Variants in PCDHAC1 observed in about 807,000 individuals in gnomAD.
The protein encoded by PCDHAC1 is protocadherin alpha subfamily C, 1, also known as protocadherin alpha-C1.
PCDHAC1 carries 42 observed loss-of-function variants against 60.0 expected under a neutral mutation model. That is an observed-to-expected ratio of 0.70 (90% confidence interval 0.55 to 0.90). The LOEUF (loss-of-function observed/expected upper bound fraction) is 0.90, where lower values mean the gene tolerates loss of function less well. PCDHAC1 is among the 40% of genes least tolerant of loss of function. PCDHAC1 has a pLI of 0.00. For missense variants in PCDHAC1, 1,160 were observed against 1,222.3 expected, an observed-to-expected ratio of 0.95 and a Z score of 0.76; for synonymous variants, 468 against 499.3, an observed-to-expected ratio of 0.94 and a Z score of 0.84.
intron 1 of PCDHAC1, among the ~76,000 whole-genome samples, chr5:140,977,937 T>C (rs1264352481): frequency 5.3e-5 from 8 of 152,162 alleles, no homozygotes; most frequent in African/African-American, 1.9e-4. Flanking sequence ...TATACCTCAA[T>C]ATTCAGTGAC....
chr5:140,967,959 G>A lies in PCDHAC1; in HGVS notation c.2434-10990G>A, dbSNP rs782716187. ...AATGACCAAGACTCAGGCCCCAACC[G>A]GAAAGTGAGCCTGGGTCTGGAGGCC... On this transcript the variant is annotated intron_variant, in intron 1 of 3. Transcript: ENST00000253807. The A allele has an allele frequency of 1.5e-5, 25 of 1,614,046 alleles. No individual in the cohort carries two copies. Among genetic ancestry groups the A allele is most frequent in the Non-Finnish European group, 1.9e-5 (23 of 1,180,058 alleles).
At position 140,951,544 on chromosome 5, in the gene PCDHAC1, G is replaced by A. The variant is rs543008494; in HGVS notation, c.2433+22219G>A. On this transcript the variant is annotated intron_variant, in intron 1 of 3. Transcript: ENST00000253807. ...CATGGCCGGTGCAGGAGCAAGGGAC[G>A]GGGGGAAGTGCTACGCACTTTTAAA... Among the ~76,000 whole-genome samples the A allele has an allele frequency of 1.4e-3, 220 of 151,994 alleles. 1 individual carries two copies. The highest frequency in any genetic ancestry group is 4.9e-3 in the African/African-American group (204 of 41,462).
chr5:141,000,417 ATATATTTTTT>A (rs2097924181), intron 3 of PCDHAC1, among the ~76,000 whole-genome samples: 1 of 77,748 alleles, frequency 1.3e-5, no homozygotes, highest in Non-Finnish European at 2.3e-5. Context: ...ATATATATAT[ATATATTTTTT>A]TTTTTTTTTT....
In PCDHAC1 at chr5:140,928,252, G is replaced by C. The variant is rs1377533547; in HGVS notation, c.1360G>C (p.Val454Leu). The C allele has an allele frequency of 2.5e-6, 4 of 1,614,208 alleles. No individual in the cohort carries two copies. Among genetic ancestry groups the C allele is most frequent in the Non-Finnish European group, 3.4e-6 (4 of 1,180,044 alleles). The change falls in exon 1 of 4, where the codon GTT becomes CTT. Residue 454 changes from valine (V) to leucine (L), a missense_variant. Val to Leu is a conservative substitution (Grantham distance 32). This residue lies in a region of PCDHAC1 where 1,113 missense variants were observed against 1,163.7 expected (regional missense o/e 0.96). Transcript: ENST00000253807. ...TCCTCAACCCCAGCAGGAACTTTTC[G>C]TTGCTGAAAACAATGGCCCTGGGGC... Reference protein sequence around the residue: ...NFPQPQQELFVAENNGPGASL... With the variant: ...NFPQPQQELFLAENNGPGASL...
Position 140,973,027 on chromosome 5 carries a change from T to C in PCDHAC1, c.2434-5922T>C, listed in dbSNP as rs373487044. On this transcript the variant is annotated intron_variant, in intron 1 of 3. Coordinates refer to ENST00000253807, the MANE Select transcript of PCDHAC1 (RefSeq NM_018898.5). ...TCGTGGTGTTGTGATTGTTAATGAG[T>C]CACTTTGAGTACTCTAGTAGATTTG... Among the ~76,000 whole-genome samples the C allele has an allele frequency of 2.6e-5, 4 of 152,042 alleles. No individual in the cohort carries two copies. The East Asian group carries it at 5.8e-4, about 22-fold the overall frequency.
At chr5:140,968,278 G>A in intron 1 of PCDHAC1, 1 of 1,614,014 alleles carries the variant, frequency 6.2e-7, no homozygotes, top group Non-Finnish European at 8.5e-7. Context: ...ATGCAGAGGT[G>A]ACCTACTCCC....
At chr5:141,000,824 T>C (rs1477357302) in intron 3 of PCDHAC1, among the ~76,000 whole-genome samples, 1 of 152,064 alleles carries the variant, frequency 6.6e-6, no homozygotes, top group Non-Finnish European at 1.5e-5. Context: ...GGAGGATCAC[T>C]TGAGTCCAGG....
chr5:140,945,560 C>T (rs1321626108), intron 1 of PCDHAC1, among the ~76,000 whole-genome samples: 3 of 151,960 alleles, frequency 2.0e-5, no homozygotes, highest in Non-Finnish European at 2.9e-5. Context: ...AAGCTGAAGA[C>T]ATCATACTAC....
At chr5:140,993,226 T>G (rs1554253487) in intron 3 of PCDHAC1, among the ~76,000 whole-genome samples, 1 of 152,204 alleles carries the variant, frequency 6.6e-6, no homozygotes, top group Non-Finnish European at 1.5e-5. Context: ...TTTGGTATGT[T>G]CTCTCTGAAT....
At chr5:141,000,421 ATTT>A (rs34755515) in intron 3 of PCDHAC1, among the ~76,000 whole-genome samples, 361 of 27,888 alleles carry the variant, frequency 0.013, no homozygotes, top group East Asian at 0.018. Context: ...ATATATATAT[ATTT>A]TTTTTTTTTT....
Position 141,011,938 on chromosome 5 carries a change from T to TA in PCDHAC1, c.*2008dup, listed in dbSNP as rs1489019865. 2.6e-5 allele frequency: 4 copies of TA among 153,644 alleles called. No individual in the cohort carries two copies. The highest frequency in any genetic ancestry group is 6.5e-5 in the Admixed American group (1 of 15,278). The allele number at this position is 153,644 out of a possible 1,614,324, so 9.5% of individuals were successfully genotyped here. A position where few individuals can be genotyped will look rare whatever the true frequency, so the allele number is the denominator to read the frequency against. ...ATAAAAGAGGTAGGAGTCTGTTATT[T>TA]AAAAAAAGCATTAAATTTAAAAAAA... On this transcript the variant is annotated 3_prime_UTR_variant, in exon 4 of 4. Transcript: ENST00000253807.
chr5:140,939,579 A>AT (rs2153642013), intron 1 of PCDHAC1, among the ~76,000 whole-genome samples: 1 of 152,306 alleles, frequency 6.6e-6, no homozygotes, highest in African/African-American at 2.4e-5. Context: ...AAAATGGAAA[A>AT]TTTTAACATA....
At chr5:140,981,977 G>A (rs1321410399) in intron 2 of PCDHAC1, among the ~76,000 whole-genome samples, 1 of 152,128 alleles carries the variant, frequency 6.6e-6, no homozygotes, top group African/African-American at 2.4e-5. Context: ...TATAGAAAGA[G>A]TAAAATAGAA....
intron 3 of PCDHAC1, among the ~76,000 whole-genome samples, chr5:140,990,782 C>T (rs1460964532): frequency 2.0e-5 from 3 of 152,120 alleles, no homozygotes; most frequent in Non-Finnish European, 1.5e-5. Context: ...CTGTGTTGGA[C>T]GATGAACCAT....
chr5:141,009,690 T>G lies in PCDHAC1; in HGVS notation c.2645T>G (p.Phe882Cys). The G allele has an allele frequency of 6.2e-7, 1 of 1,614,068 alleles. No homozygotes were observed. The highest frequency in any genetic ancestry group is 8.5e-7 in the Non-Finnish European group (1 of 1,180,024). The change falls in exon 4 of 4, where the codon TTT (phenylalanine) becomes TGT (cysteine). Residue 882 changes from phenylalanine to cysteine, a missense_variant. Phe to Cys is a radical substitution (Grantham distance 205). Coordinates refer to ENST00000253807, the MANE Select transcript of PCDHAC1 (RefSeq NM_018898.5). ...GGTGTCAACAGCAACAGCTGGACCT[T>G]TAAATACGGACCAGGCAACCCCAAA... ...GAGVNSNSWT[F>C]KYGPGNPKQS...
intron 1 of PCDHAC1, among the ~76,000 whole-genome samples, chr5:140,959,036 GTATGT>G (rs2095460948): frequency 6.6e-6 from 1 of 152,032 alleles, no homozygotes; most frequent in African/African-American, 2.4e-5. Flanking sequence ...TCATGGGTAT[GTATGT>G]ATAGGAAAAA....
At chr5:140,985,616 G>C in intron 3 of PCDHAC1, among the ~76,000 whole-genome samples, 1 of 152,104 alleles carries the variant, frequency 6.6e-6, no homozygotes, top group African/African-American at 2.4e-5. Flanking sequence ...CCGTGAACCA[G>C]CTGTGTATTG....
chr5:140,928,771 A>C lies in PCDHAC1; in HGVS notation c.1879A>C (p.Thr627Pro). Residue 627 changes from threonine (T) to proline (P), a missense_variant, in exon 1 of 4, where the codon ACT becomes CCT. Physicochemically the swap from Thr to Pro is conservative, Grantham distance 38 (BLOSUM62 -1). Around this residue, in one of 3 missense-constraint regions of PCDHAC1, gnomAD observed 1,113 missense variants for 1,163.7 expected, o/e 0.96. Transcript: ENST00000253807. ...CCGTACTGCTCGCTTAGTTCTTCCC[A>C]CTGATGCAGTTAAGCAGAGGGTGGT... Reference protein sequence around the residue: ...ELRTARLVLPTDAVKQRVVVV... With the variant: ...ELRTARLVLPPDAVKQRVVVV... 1 of 1,613,998 alleles carries C rather than the reference A, an allele frequency of 6.2e-7. No homozygotes were observed. Among genetic ancestry groups the C allele is most frequent in the Non-Finnish European group, 8.5e-7 (1 of 1,180,000 alleles).
intron 1 of PCDHAC1, among the ~76,000 whole-genome samples, chr5:140,974,406 T>C (rs903349256): frequency 3.9e-5 from 6 of 152,226 alleles, no homozygotes; most frequent in Non-Finnish European, 8.8e-5. Flanking sequence ...GTTCTAAAGT[T>C]ATGTTTATTT....
Sources: allele counts gnomAD v4.1 joint callset (sites outside exome capture counted in the v4.1 genomes callset), GRCh38; gene constraint gnomAD v4.1.1; regional missense constraint gnomAD v4.1.1; transcripts MANE v1.5; gene names NCBI Gene and HGNC (gene_info 2026-07-23, HGNC 2026-07-21).